PTGES3: variants seen among roughly 807,000 people sequenced by gnomAD.
PTGES3 encodes the protein Hsp90 co-chaperone.
In PTGES3, 5 loss-of-function variants were observed where a neutral mutation model predicts 29.9. The ratio of observed to expected loss-of-function variants is 0.17; its 90% CI spans 0.09 to 0.35. The LOEUF is 0.35. PTGES3 is among the 10% of genes least tolerant of loss of function. The pLI, the probability that PTGES3 is intolerant of heterozygous loss-of-function variation, is 1.00. For missense variants in PTGES3, 128 were observed against 190.0 expected (o/e 0.67, Z 1.92); for synonymous variants, 49 against 57.8 (o/e 0.85, Z 0.69).
intron 1 of PTGES3, among the ~76,000 whole-genome samples, chr12:56,679,812 T>TA (rs1359411390): frequency 2.6e-5 from 4 of 151,952 alleles, no homozygotes; most frequent in African/African-American, 9.7e-5. Flanking sequence ...GTAGCTGGGA[T>TA]TACAGGTGCC....
chr12:56,667,416 T>A (rs915298403), intron 5 of PTGES3, among the ~76,000 whole-genome samples: 1 of 152,102 alleles, frequency 6.6e-6, no homozygotes, highest in Non-Finnish European at 1.5e-5. Flanking sequence ...GATTTTAGAA[T>A]GGGAAAGGAC....
chr12:56,671,647 G>A (rs1952011347), intron 4 of PTGES3, 102 bp downstream of exon 4: 2 of 648,754 alleles, frequency 3.1e-6, no homozygotes, highest in South Asian at 3.2e-5. Flanking sequence ...ATACTTAGCT[G>A]TGAAACAAAA....
At chr12:56,678,566 T>C (rs1050153283) in intron 1 of PTGES3, among the ~76,000 whole-genome samples, 2 of 152,192 alleles carry the variant, frequency 1.3e-5, no homozygotes, top group Non-Finnish European at 2.9e-5. Context: ...TAGCAAACTG[T>C]TTCCATCTAG....
intron 1 of PTGES3, among the ~76,000 whole-genome samples, chr12:56,678,542 T>A (rs533088495): frequency 6.6e-6 from 1 of 152,218 alleles, no homozygotes; most frequent in African/African-American, 2.4e-5. Context: ...TTAAAATAAC[T>A]GGGACACTTT....
At chr12:56,687,447 G>C (rs1337964661) in intron 1 of PTGES3, 2 of 988,500 alleles carry the variant, frequency 2.0e-6, no homozygotes, top group African/African-American at 3.5e-5. Context: ...ACTGGAGAGG[G>C]AAGTATGTTG....
intron 7 of PTGES3, 92 bp from the exon 8 acceptor site, chr12:56,664,590 T>G (rs1281972342): frequency 1.4e-6 from 2 of 1,433,678 alleles, no homozygotes; most frequent in East Asian, 2.3e-5. Context: ...AAAATCGAAA[T>G]ACATAGTTGC....
At chr12:56,686,053 C>T (rs527909609) in intron 1 of PTGES3, among the ~76,000 whole-genome samples, 2 of 151,792 alleles carry the variant, frequency 1.3e-5, no homozygotes, top group Non-Finnish European at 2.9e-5. Context: ...GGATTACAGG[C>T]GTGAGCCACC....
intron 6 of PTGES3, 95 bp downstream of exon 6, chr12:56,666,109 G>A: frequency 7.2e-7 from 1 of 1,395,096 alleles, no homozygotes; most frequent in Non-Finnish European, 9.4e-7. Flanking sequence ...AAAATAAGAA[G>A]TAATTGTGAA....
Position 56,664,492 on chromosome 12 carries a change from G to C in PTGES3, c.470C>G (p.Pro157Arg). 6.2e-7 allele frequency: 1 copy of C among 1,601,570 alleles called. No homozygotes were observed. The highest frequency in any genetic ancestry group is 8.5e-7 in the Non-Finnish European group (1 of 1,174,088). ...TGACAATATTCCTTACTCCAGATCT[G>C]GCATTTCTGAAAGAATTTTTAAAAA... is the stretch of plus-strand genomic sequence containing the variant. ...DSQDSDDEKM[P>R]DLE The change falls in exon 8 of 8, where the codon CCA (proline) becomes CGA (arginine). Residue 157 changes from proline (P) to arginine (R), a missense_variant. Pro to Arg is a moderately radical substitution (Grantham distance 103). Coordinates refer to ENST00000262033, the MANE Select transcript of PTGES3 (RefSeq NM_006601.7).
At chr12:56,673,121 C>T (rs1250326917) in intron 1 of PTGES3, 56 bp from the exon 2 acceptor site, 1 of 1,192,440 alleles carries the variant, frequency 8.4e-7, no homozygotes, top group Non-Finnish European at 1.2e-6. Flanking sequence ...TAAACATTCA[C>T]ATACTAACCT....
chr12:56,664,334 AAAAC>A lies in PTGES3; in HGVS notation c.*141_*144del, dbSNP rs750433027. The A allele has an allele frequency of 1.5e-4, 140 of 957,796 alleles. No homozygotes were observed. The highest frequency in any genetic ancestry group is 1.3e-3 in the Middle Eastern group (4 of 2,982). The allele number at this position is 957,796 out of a possible 1,614,324, so 59.3% of individuals were successfully genotyped here. On this transcript the variant is annotated 3_prime_UTR_variant, in exon 8 of 8. Coordinates refer to ENST00000262033, the MANE Select transcript of PTGES3 (RefSeq NM_006601.7). Reference sequence around the variant, plus strand: ...ATCAACCCTTAGTGAAGCCTTTTAAAAAACAAACAGGTTGAAAAATGGGTTAAAG... The same window carrying A: ...ATCAACCCTTAGTGAAGCCTTTTAAAAAACAGGTTGAAAAATGGGTTAAAG...
At chr12:56,685,090 G>A (rs1952760211) in intron 1 of PTGES3, among the ~76,000 whole-genome samples, 4 of 139,448 alleles carry the variant, frequency 2.9e-5, no homozygotes, top group South Asian at 2.6e-4. Flanking sequence ...GGTGACAGAG[G>A]AAGACCCTGT....
intron 3 of PTGES3, 46 bp from the exon 4 acceptor site, chr12:56,671,893 T>G: frequency 8.6e-7 from 1 of 1,165,092 alleles, no homozygotes. Flanking sequence ...CCAGCATCAC[T>G]ACATGATAGA....
chr12:56,666,547 A>G (rs1325237975), intron 5 of PTGES3, among the ~76,000 whole-genome samples: 8 of 152,156 alleles, frequency 5.3e-5, no homozygotes, highest in African/African-American at 1.9e-4. Context: ...AGTAGTGGTT[A>G]CCTCTGGTGG....
rs1457195108 is a variant in PTGES3, at chr12:56,663,546, T to A, written c.*933A>T. Reference sequence around the variant, plus strand: ...CTCAAATAAACTCCATTCCAGTAAATGGTAAATACATAAAAATTACAGTAA... The same window carrying A: ...CTCAAATAAACTCCATTCCAGTAAAAGGTAAATACATAAAAATTACAGTAA... On this transcript the variant is annotated 3_prime_UTR_variant, in exon 8 of 8. Transcript: ENST00000262033. The A allele has an allele frequency of 6.6e-6, 1 of 152,160 alleles. No homozygotes were observed. The highest frequency in any genetic ancestry group is 1.5e-5 in the Non-Finnish European group (1 of 67,960). The allele number at this position is 152,160 out of a possible 1,614,324, so 9.4% of individuals were successfully genotyped here. A position where few individuals can be genotyped will look rare whatever the true frequency, so the allele number is the denominator to read the frequency against.
At chr12:56,674,611 T>C (rs1345616808) in intron 1 of PTGES3, among the ~76,000 whole-genome samples, 1 of 150,884 alleles carries the variant, frequency 6.6e-6, no homozygotes, top group Non-Finnish European at 1.5e-5. Flanking sequence ...AGGATCACAA[T>C]GTCAGGAGAT....
chr12:56,678,321 G>C (rs1430342112), intron 1 of PTGES3, among the ~76,000 whole-genome samples: 1 of 151,988 alleles, frequency 6.6e-6, no homozygotes, highest in Admixed American at 6.6e-5. Flanking sequence ...GGGATTACAG[G>C]CGCCCGCCAC....
At chr12:56,672,641 G>C (rs1321260153) in intron 3 of PTGES3, 99 bp downstream of exon 3, 1 of 1,337,562 alleles carries the variant, frequency 7.5e-7, no homozygotes, top group South Asian at 2.0e-5. Context: ...TTGCCTCACT[G>C]TTAAGAAAAA....
Position 56,688,052 on chromosome 12 carries a change from G to GGCT in PTGES3, c.-56_-54dup. 6.7e-7 allele frequency: 1 copy of GGCT among 1,499,492 alleles called. No individual in the cohort carries two copies. Among genetic ancestry groups the GGCT allele is most frequent in the Non-Finnish European group, 8.9e-7 (1 of 1,123,550 alleles). The allele number at this position is 1,499,492 out of a possible 1,614,324, so 92.9% of individuals were successfully genotyped here. A position where few individuals can be genotyped will look rare whatever the true frequency, so the allele number is the denominator to read the frequency against. On this transcript the variant is annotated 5_prime_UTR_variant, in exon 1 of 8. Transcript: ENST00000262033. Reference sequence around the variant, plus strand: ...CTGGTGGGCGGGCCTCTCTGGCGGCGGCTGCTGCTAGGGAGTCGACTTCTC... The same window carrying GGCT: ...CTGGTGGGCGGGCCTCTCTGGCGGCGGCTGCTGCTGCTAGGGAGTCGACTTCTC...
Sources: gnomAD v4.1 joint callset for allele counts (sites outside exome capture counted in the v4.1 genomes callset) on GRCh38, gnomAD v4.1.1 for gene constraint, MANE v1.5 for transcripts, NCBI Gene and HGNC (gene_info 2026-07-23, HGNC 2026-07-21) for gene names.